ANK2: variants seen among roughly 807,000 people sequenced by gnomAD.
The protein encoded by ANK2 is ankyrin-2.
Under a neutral mutation model 360.5 loss-of-function variants are expected in ANK2, and 83 were observed. The observed-to-expected ratio is 0.23, with a 90% CI of 0.19 to 0.28. The LOEUF (loss-of-function observed/expected upper bound fraction) is 0.28, where lower values mean the gene tolerates loss of function less well. Among genes scored for constraint, ANK2 ranks in the 10% least tolerant of loss-of-function variants. The pLI is 1.00. For missense variants in ANK2, 4,201 were observed against 4,795.7 expected, an observed-to-expected ratio of 0.88 and a Z score of 3.66; for synonymous variants, 1,740 against 1,759.5, an observed-to-expected ratio of 0.99 and a Z score of 0.28.
chr4:112,838,647 C>A (rs1042634772), intron 1 of ANK2, among the ~76,000 whole-genome samples: 6 of 152,210 alleles, frequency 3.9e-5, no homozygotes, highest in African/African-American at 1.4e-4. Context: ...GTGAGTGGAT[C>A]ACCTGAGGTC....
the ANK2 span, among the ~76,000 whole-genome samples, chr4:112,777,348 C>T: frequency 1.3e-5 from 2 of 151,868 alleles, no homozygotes; most frequent in African/African-American, 4.8e-5. Context: ...ACGCCATTCT[C>T]CTGCCTCAGC....
chr4:113,359,432 G>A (rs1353800072), intron 38 of ANK2, 133 bp downstream of exon 38: 3 of 1,139,844 alleles, frequency 2.6e-6, no homozygotes, highest in African/African-American at 1.5e-5. Context: ...ATGTGTTTGT[G>A]TAAGCCCTTT....
rs2057128138 is a variant in ANK2 at position 113,268,461 on chromosome 4, G to A, written c.1485+3466G>A. On this transcript the variant is annotated intron_variant, in intron 14 of 45. Coordinates refer to ENST00000357077, the MANE Select transcript of ANK2 (RefSeq NM_001148.6). The stretch of plus-strand genomic sequence containing the variant: ...GTTTATTGAGAGTTTTTAGCATGAA[G>A]GGGTGTTGAATTTTATCAGTTTTTT... Among the ~76,000 whole-genome samples, 3 of 152,142 alleles carry A rather than the reference G, an allele frequency of 2.0e-5. No homozygotes were observed. The South Asian group carries it at 6.2e-4, about 32-fold the overall frequency.
Position 112,983,931 on chromosome 4 carries a change from A to C in ANK2, c.21+79417A>C, listed in dbSNP as rs545923421. On this transcript the variant is annotated intron_variant, in intron 2 of 30. Coordinates refer to the ANK2 transcript ENST00000503271. ...CAGCAACTCAATATTTTACTGTTAG[A>C]TGTATGAATTTAATGAAGACAAAGT... Among the ~76,000 whole-genome samples, 34 of 152,248 alleles carry C rather than the reference A, an allele frequency of 2.2e-4. No homozygotes were observed. The South Asian group carries it at 7.0e-3, about 32-fold the overall frequency.
chr4:113,167,889 C>T (rs1456653280), intron 1 of ANK2, among the ~76,000 whole-genome samples: 2 of 152,126 alleles, frequency 1.3e-5, no homozygotes, highest in African/African-American at 4.8e-5. Flanking sequence ...TTTTGCTTAG[C>T]ATTATCTTTG....
chr4:113,094,033 T>G (rs1418346742), intron 1 of ANK2, among the ~76,000 whole-genome samples: 1 of 152,236 alleles, frequency 6.6e-6, no homozygotes, highest in Non-Finnish European at 1.5e-5. Context: ...TATAAATGAA[T>G]AGAACTTCTT....
chr4:112,949,180 A>G (rs372940349), intron 2 of ANK2, among the ~76,000 whole-genome samples: 25 of 152,220 alleles, frequency 1.6e-4, no homozygotes, highest in African/African-American at 5.8e-4. Flanking sequence ...TGTTTCGCTG[A>G]TTTCATCTTG....
intron 34 of ANK2, 152 bp from the exon 35 acceptor site, chr4:113,345,748 C>T (rs2094775906): frequency 9.0e-7 from 1 of 1,110,304 alleles, no homozygotes; most frequent in African/African-American, 1.6e-5. Flanking sequence ...AAAAGGCTTT[C>T]CAAATGGTAA....
intron 1 of ANK2, among the ~76,000 whole-genome samples, chr4:113,062,528 A>G (rs1484569120): frequency 2.0e-5 from 3 of 151,972 alleles, no homozygotes; most frequent in Non-Finnish European, 4.4e-5. Flanking sequence ...TTCATATAAG[A>G]TTTTCTGCAC....
intron 2 of ANK2, among the ~76,000 whole-genome samples, chr4:112,947,898 C>A (rs1257371804): frequency 1.3e-5 from 2 of 152,098 alleles, no homozygotes; most frequent in South Asian, 4.1e-4. Flanking sequence ...TCATCTTTTC[C>A]GTATTTCTGG....
chr4:112,995,934 T>G (rs1439988922), intron 2 of ANK2, among the ~76,000 whole-genome samples: 1 of 152,156 alleles, frequency 6.6e-6, no homozygotes, highest in Non-Finnish European at 1.5e-5. Flanking sequence ...CCATTCAGTG[T>G]TTTCTTAAAA....
the ANK2 span, among the ~76,000 whole-genome samples, chr4:112,779,139 G>GGT: frequency 6.6e-6 from 1 of 152,082 alleles, no homozygotes; most frequent in African/African-American, 2.4e-5. Flanking sequence ...CACCTCTCTT[G>GGT]GTGAAGTCCT....
At chr4:113,225,567 T>C (rs2099208922) in intron 4 of ANK2, among the ~76,000 whole-genome samples, 1 of 152,162 alleles carries the variant, frequency 6.6e-6, no homozygotes, top group Non-Finnish European at 1.5e-5. Context: ...AAAGTTAAGA[T>C]TCTTTAAAAT....
intron 2 of ANK2, among the ~76,000 whole-genome samples, chr4:113,009,156 T>C (rs185687865): frequency 6.6e-6 from 1 of 152,180 alleles, no homozygotes; most frequent in East Asian, 1.9e-4. Context: ...TTTTTGTTTT[T>C]TGAGCTGCTT....
intron 2 of ANK2, among the ~76,000 whole-genome samples, chr4:112,912,823 G>A (rs2088144698): frequency 6.6e-6 from 1 of 151,964 alleles, no homozygotes; most frequent in African/African-American, 2.4e-5. Flanking sequence ...AGTCCAGCCT[G>A]GGCAACATAG....
chr4:112,776,424 A>C, the ANK2 span, among the ~76,000 whole-genome samples: 1 of 152,184 alleles, frequency 6.6e-6, no homozygotes, highest in Admixed American at 6.6e-5. Context: ...GGGAAGAGTG[A>C]GCTTGACAAG....
chr4:113,023,843 A>G (rs1487090332), intron 2 of ANK2, among the ~76,000 whole-genome samples: 1 of 152,100 alleles, frequency 6.6e-6, no homozygotes, highest in Non-Finnish European at 1.5e-5. Flanking sequence ...CGAGAAGATA[A>G]TTTTTTTGAT....
chr4:113,172,456 C>T (rs919093053), intron 1 of ANK2, among the ~76,000 whole-genome samples: 6 of 152,102 alleles, frequency 3.9e-5, no homozygotes, highest in African/African-American at 9.7e-5. Context: ...TGTGTAAATA[C>T]GTGACTCTGG....
Position 113,147,238 on chromosome 4 carries a change from A to C in ANK2, c.85-27178A>C, listed in dbSNP as rs1034361609. 4.7e-4 allele frequency among the ~76,000 whole-genome samples: 72 copies of C among 152,252 alleles called. 1 individual carries two copies. Among genetic ancestry groups the C allele is most frequent in the African/African-American group, 1.5e-3 (64 of 41,574 alleles). ...GATCACCCACCGTTAACAACCGCAC[A>C]GGCGAGGTTTGTAACCAAGAGCAGT... On this transcript the variant is annotated intron_variant, in intron 1 of 45. Transcript: ENST00000357077.
Sources: allele counts gnomAD v4.1 joint callset (sites outside exome capture counted in the v4.1 genomes callset), GRCh38; gene constraint gnomAD v4.1.1; transcripts MANE v1.5; gene names NCBI Gene and HGNC (gene_info 2026-07-23, HGNC 2026-07-21).